SCN4A: variants seen among roughly 807,000 people sequenced by gnomAD.
The protein encoded by SCN4A is sodium channel protein type 4 subunit alpha.
Under a neutral mutation model 162.0 loss-of-function variants are expected in SCN4A, and 83 were observed. The ratio of observed to expected loss-of-function variants is 0.51; its 90% CI spans 0.43 to 0.61. SCN4A has a LOEUF of 0.61. SCN4A is among the 20% of genes least tolerant of loss of function. The pLI, the probability that SCN4A is intolerant of heterozygous loss-of-function variation, is 0.00. For missense variants in SCN4A, 2,196 were observed against 2,462.5 expected (o/e 0.89, Z 2.29); for synonymous variants, 944 against 985.1 (o/e 0.96, Z 0.78).
intron 15 of SCN4A, 57 bp downstream of exon 15, chr17:63,949,336 C>A: frequency 6.6e-7 from 1 of 1,515,390 alleles, no homozygotes; most frequent in East Asian, 2.5e-5. Flanking sequence ...TAGCCTGCCC[C>A]TTGCAGGGGC....
intron 3 of SCN4A, 57 bp from the exon 4 acceptor site, chr17:63,971,907 G>A: frequency 6.4e-7 from 1 of 1,561,746 alleles, no homozygotes; most frequent in Non-Finnish European, 8.8e-7. Context: ...GGTCAGTGTG[G>A]CAACGACAGA....
At chr17:63,962,122 C>T (rs1193204182) in intron 10 of SCN4A, among the ~76,000 whole-genome samples, 3 of 152,112 alleles carry the variant, frequency 2.0e-5, no homozygotes, top group Admixed American at 2.0e-4. Context: ...CTGGACAGGA[C>T]GCCCACCCCC....
At position 63,945,093 on chromosome 17, in the gene SCN4A, G is replaced by A. The variant is rs781653381; in HGVS notation, c.3721-33C>T. 1.9e-6 allele frequency: 3 copies of A among 1,605,796 alleles called. No individual in the cohort carries two copies. Among genetic ancestry groups the A allele is most frequent in the South Asian group, 2.2e-5 (2 of 90,622 alleles). On this transcript the variant is annotated intron_variant, in intron 19 of 23. Coordinates refer to ENST00000435607, the MANE Select transcript of SCN4A (RefSeq NM_000334.4). This position sits in a 1 kb window ranked among gnomAD's most constrained non-coding sequence, Gnocchi z 4.4. ...AGTGTGGTTGGGGAGTGAGCCGGGGGGCTGCTCCCTGCTTTCATCATCCAT... is the reference window on the plus strand; with the variant it reads ...AGTGTGGTTGGGGAGTGAGCCGGGGAGCTGCTCCCTGCTTTCATCATCCAT...
At position 63,971,311 on chromosome 17, in the gene SCN4A, A is replaced by G. The variant is rs992861967; in HGVS notation, c.612-58T>C. ...CAGAGCCTGGGGTGGGTGGTAGGAC[A>G]GAAATCAGGGCTCCTCCAGGCCTGG... On this transcript the variant is annotated intron_variant, in intron 4 of 23. Coordinates refer to ENST00000435607, the MANE Select transcript of SCN4A (RefSeq NM_000334.4). 4.7e-5 allele frequency: 44 copies of G among 934,036 alleles called. No homozygotes were observed. The East Asian group carries it at 6.3e-4, about 13-fold the overall frequency. 57.9% of individuals were successfully genotyped at this position (934,036 alleles called of 1,614,324 possible).
intron 22 of SCN4A, 144 bp from the exon 23 acceptor site, chr17:63,943,240 G>GA: frequency 3.0e-6 from 3 of 1,007,060 alleles, no homozygotes; most frequent in East Asian, 2.4e-5. Context: ...GAGAGAGAAA[G>GA]GAGGTGTTGG....
chr17:63,944,586 TG>T lies in SCN4A; in HGVS notation c.3912+86del. ...ACCTGGTAGGTGCTCAGGCAGCGTT[TG>T]TGGGTTTGTGCAATGGAGAGTGGAC... On this transcript the variant is annotated intron_variant, in intron 21 of 23. Transcript: ENST00000435607. The surrounding 1 kb of genome is among the most constrained non-coding windows in gnomAD (Gnocchi z 4.3). 7.0e-7 allele frequency: 1 copy of T among 1,438,040 alleles called. No homozygotes were observed. The highest frequency in any genetic ancestry group is 9.5e-7 in the Non-Finnish European group (1 of 1,057,960). 89.1% of individuals were successfully genotyped at this position (1,438,040 alleles called of 1,614,324 possible).
At position 63,941,701 on chromosome 17, in the gene SCN4A, G is replaced by A. The variant is rs752523459; in HGVS notation, c.4581C>T (p.Ile1527=). Residue 1527 remains isoleucine (I), a synonymous_variant, in exon 24 of 24, where the codon ATC becomes ATT. Transcript: ENST00000435607. The surrounding 1 kb of genome is among the most constrained non-coding windows in gnomAD (Gnocchi z 6.2). ...CCGACGTGGTGATCTCGAACAGGCA[G>A]ATGATGCTGTTGCCGAAGGTCTCGA... ...FNFETFGNSI[I]CLFEITTSAG... The A allele has an allele frequency of 2.5e-6, 4 of 1,614,142 alleles. No individual in the cohort carries two copies. The South Asian group carries it at 3.3e-5, about 13-fold the overall frequency.
At position 63,939,147 on chromosome 17, in the gene SCN4A, T is replaced by C. The variant is rs1283272933; in HGVS notation, c.*1624A>G. ...GTCTTGTTTTGAAGGTTTTGCTGCT[T>C]CCTGAATTTTAATCAAACTTTTCAT... On this transcript the variant is annotated 3_prime_UTR_variant, in exon 24 of 24. Transcript: ENST00000435607. 1 of 152,656 alleles carries C rather than the reference T, an allele frequency of 6.6e-6. No homozygotes were observed. The highest frequency in any genetic ancestry group is 2.4e-5 in the African/African-American group (1 of 41,438). 9.5% of individuals were successfully genotyped at this position (152,656 alleles called of 1,614,324 possible).
chr17:63,940,719 G>A lies in SCN4A; in HGVS notation c.*52C>T. 1.3e-6 allele frequency: 2 copies of A among 1,514,808 alleles called. No individual in the cohort carries two copies. The highest frequency in any genetic ancestry group is 1.3e-5 in the South Asian group (1 of 75,352). The allele number at this position is 1,514,808 out of a possible 1,614,324, so 93.8% of individuals were successfully genotyped here. ...CTCACTCTGTGTGCAGGCACCACGG[G>A]GGAGCTCTGGGGACTATGCCGAGAC... is the stretch of plus-strand genomic sequence containing the variant. On this transcript the variant is annotated 3_prime_UTR_variant, in exon 24 of 24. Transcript: ENST00000435607.
At chr17:63,946,925 G>A (rs1908742911) in intron 18 of SCN4A, 120 bp downstream of exon 18, 1 of 1,031,804 alleles carries the variant, frequency 9.7e-7, no homozygotes, top group South Asian at 1.6e-5. Context: ...AGGGCCGTGG[G>A]TCCAAGCTCT....
At chr17:63,954,807 A>C (rs992922324) in intron 13 of SCN4A, among the ~76,000 whole-genome samples, 13 of 152,118 alleles carry the variant, frequency 8.5e-5, no homozygotes, top group African/African-American at 2.9e-4. Flanking sequence ...AAAGGATGTC[A>C]GTGGTGTGTT....
At position 63,941,410 on chromosome 17, in the gene SCN4A, C is replaced by A. The variant is rs768690864; in HGVS notation, c.4872G>T (p.Trp1624Cys). The part of the protein sequence containing the change: ...EDDFEMFYET[W>C]EKFDPDATQF... Reference sequence around the variant, plus strand: ...GGGTGGCGTCGGGGTCGAACTTCTCCCATGTCTCGTAGAACATCTCAAAGT... The same window carrying A: ...GGGTGGCGTCGGGGTCGAACTTCTCACATGTCTCGTAGAACATCTCAAAGT... The change falls in exon 24 of 24, where the codon TGG becomes TGT. Residue 1624 changes from tryptophan to cysteine, a missense_variant. Trp to Cys is a radical substitution (Grantham distance 215). Coordinates refer to ENST00000435607, the MANE Select transcript of SCN4A (RefSeq NM_000334.4). The surrounding 1 kb of genome is among the most constrained non-coding windows in gnomAD (Gnocchi z 6.2). The A allele has an allele frequency of 6.2e-7, 1 of 1,613,910 alleles. No individual in the cohort carries two copies. Among genetic ancestry groups the A allele is most frequent in the Non-Finnish European group, 8.5e-7 (1 of 1,179,998 alleles).
Position 63,968,222 on chromosome 17 carries a change from C to T in SCN4A, c.837G>A (p.Lys279=), listed in dbSNP as rs758801697. 4 of 1,614,086 alleles carry T rather than the reference C, an allele frequency of 2.5e-6. No individual in the cohort carries two copies. Among genetic ancestry groups the T allele is most frequent in the Admixed American group, 3.3e-5 (2 of 60,028 alleles). The change falls in exon 6 of 24, where the codon AAG becomes AAA. Residue 279 remains lysine (K), a synonymous_variant. Transcript: ENST00000435607. The part of the protein sequence containing the change: ...LQLFMGNLRQ[K]CVRWPPPFND... ...TGAACGGCGGGGGCCAGCGCACACA[C>T]TTCTGCCTCAGGTTTCCCATGAAGA...
intron 22 of SCN4A, 116 bp downstream of exon 22, chr17:63,943,630 A>C: frequency 1.5e-6 from 1 of 672,138 alleles, no homozygotes; most frequent in Non-Finnish European, 2.6e-6. Context: ...GGGTGGGCCT[A>C]ACCTCACCCA....
Position 63,945,954 on chromosome 17 carries a change from C to T in SCN4A, c.3442-316G>A, listed in dbSNP as rs1339289078. On this transcript the variant is annotated intron_variant, in intron 18 of 23. Transcript: ENST00000435607. This position sits in a 1 kb window ranked among gnomAD's most constrained non-coding sequence, Gnocchi z 4.4. ...CAGGAGACAAACACTCTTTGCTCAG[C>T]CCCCATAGGAAACTCAGCTCACGTG... Among the ~76,000 whole-genome samples the T allele has an allele frequency of 6.6e-6, 1 of 152,082 alleles. No homozygotes were observed. The highest frequency in any genetic ancestry group is 1.5e-5 in the Non-Finnish European group (1 of 67,994).
intron 14 of SCN4A, 121 bp from the exon 15 acceptor site, chr17:63,949,649 A>G: frequency 8.4e-7 from 1 of 1,184,452 alleles, no homozygotes; most frequent in Non-Finnish European, 1.2e-6. Context: ...GAGCAAACTC[A>G]TCCATTCATT....
In SCN4A at chr17:63,941,120, G is replaced by T; in HGVS notation, c.5162C>A (p.Thr1721Asn). Residue 1721 changes from threonine to asparagine, a missense_variant, in exon 24 of 24, where the codon ACC (threonine) becomes AAC (asparagine). By Grantham distance (65) the Thr-to-Asn change is moderately conservative (BLOSUM62 0). Transcript: ENST00000435607. The surrounding 1 kb of genome is among the most constrained non-coding windows in gnomAD (Gnocchi z 6.2). Reference sequence around the variant, plus strand: ...CACCTCCTCGTGCTTCCTCTTGAGGGTGGTGGTGATGGGCTCGTAGGACAC... The same window carrying T: ...CACCTCCTCGTGCTTCCTCTTGAGGTTGGTGGTGATGGGCTCGTAGGACAC... ...SKVSYEPITT[T>N]LKRKHEEVCA... is the part of the protein sequence containing the mutation. 1 of 1,613,990 alleles carries T rather than the reference G, an allele frequency of 6.2e-7. No individual in the cohort carries two copies. Among genetic ancestry groups the T allele is most frequent in the South Asian group, 1.1e-5 (1 of 91,086 alleles).
rs1908453185 is a variant in SCN4A, at chr17:63,939,554, G to A, written c.*1217C>T. 7.5e-6 allele frequency: 1 copy of A among 133,770 alleles called. No individual in the cohort carries two copies. The highest frequency in any genetic ancestry group is 1.5e-5 in the Non-Finnish European group (1 of 68,012). 8.3% of individuals were successfully genotyped at this position (133,770 alleles called of 1,614,324 possible). On this transcript the variant is annotated 3_prime_UTR_variant, in exon 24 of 24. Transcript: ENST00000435607. ...ACACACACAAGTGAATAAATCCAGC[G>A]ACGCCTGAGCAGGTCTCTCACCCCT...
intron 22 of SCN4A, 107 bp from the exon 23 acceptor site, chr17:63,943,203 CAGAGATGACAGAGAGAGAG>C (rs1439362054): frequency 1.9e-5 from 18 of 961,058 alleles, no homozygotes; most frequent in African/African-American, 3.5e-5. Context: ...ACAGAGATGA[CAGAGATGACAGAGAGAGAG>C]AGAGAGAGAG....
Sources: gnomAD v4.1 joint callset for allele counts (sites outside exome capture counted in the v4.1 genomes callset) on GRCh38, gnomAD v4.1.1 for gene constraint, Gnocchi (gnomAD v3.1) non-coding constraint, MANE v1.5 for transcripts, NCBI Gene and HGNC (gene_info 2026-07-23, HGNC 2026-07-21) for gene names.